Variants in TMEFF2 observed in about 807,000 individuals in gnomAD.
TMEFF2 encodes tomoregulin-2.
Under a neutral mutation model 53.8 loss-of-function variants are expected in TMEFF2, and 28 were observed. That is an observed-to-expected ratio of 0.52 (90% confidence interval 0.39 to 0.71). The LOEUF (loss-of-function observed/expected upper bound fraction) is 0.71. Ranked by LOEUF, TMEFF2 falls within the 30% of genes least tolerant of loss-of-function variation. TMEFF2 has a pLI of 0.00. For synonymous variants in TMEFF2, 162 were observed against 166.3 expected, an observed-to-expected ratio of 0.97 and a Z score of 0.20; for missense variants, 353 against 455.2, an observed-to-expected ratio of 0.78 and a Z score of 2.04.
chr2:192,070,032 A>G (rs369645309), intron 4 of TMEFF2, among the ~76,000 whole-genome samples: 59,830 of 125,156 alleles, frequency 0.48, 15,068 homozygotes, highest in East Asian at 0.57. Context: ...ATATATATAT[A>G]TATATATATA....
chr2:192,174,619 G>C (rs931344111), intron 4 of TMEFF2, among the ~76,000 whole-genome samples: 4 of 151,730 alleles, frequency 2.6e-5, no homozygotes, highest in African/African-American at 9.7e-5. Context: ...CAGCAGAACA[G>C]CAGCTCTCAG....
intron 4 of TMEFF2, among the ~76,000 whole-genome samples, chr2:192,107,745 G>A (rs530712223): frequency 2.8e-4 from 42 of 151,702 alleles, no homozygotes; most frequent in African/African-American, 8.0e-4. Flanking sequence ...TTTTCTCCAC[G>A]TATGGCAATG....
chr2:192,184,942 G>T (rs1479394044), intron 2 of TMEFF2, among the ~76,000 whole-genome samples: 1 of 151,878 alleles, frequency 6.6e-6, no homozygotes, highest in Non-Finnish European at 1.5e-5. Flanking sequence ...ACTCTTAGTT[G>T]TTTTTTTAAT....
chr2:192,108,489 T>C, intron 4 of TMEFF2, among the ~76,000 whole-genome samples: 1 of 151,934 alleles, frequency 6.6e-6, no homozygotes, highest in South Asian at 2.1e-4. Flanking sequence ...TTTAAATTCT[T>C]TAATGTCGTT....
chr2:191,984,254 A>T (rs1385278470), intron 7 of TMEFF2, among the ~76,000 whole-genome samples: 1 of 152,162 alleles, frequency 6.6e-6, no homozygotes, highest in Admixed American at 6.5e-5. Context: ...AAGAAAACTT[A>T]GAAAATCTGT....
intron 4 of TMEFF2, among the ~76,000 whole-genome samples, chr2:192,166,105 T>C (rs747272508): frequency 6.6e-6 from 1 of 152,138 alleles, no homozygotes; most frequent in Non-Finnish European, 1.5e-5. Flanking sequence ...TTGAGCCAGA[T>C]GAAACTTTTA....
In TMEFF2 at chr2:191,953,853, G is replaced by A. The variant is rs746999324; in HGVS notation, c.870-16C>T. 9.2e-6 allele frequency: 14 copies of A among 1,527,886 alleles called. No individual in the cohort carries two copies. In the South Asian group the frequency reaches 1.5e-4, roughly 16 times the overall value. 94.6% of individuals were successfully genotyped at this position (1,527,886 alleles called of 1,614,324 possible). A position where few individuals can be genotyped will look rare whatever the true frequency, so the allele number is the denominator to read the frequency against. On this transcript the variant is annotated splice_polypyrimidine_tract_variant and intron_variant, in intron 8 of 9. Transcript: ENST00000272771. ...AGCATCACACCTGGAAGAAATTATAGTGCCCAGTTACCTGTAGGGTGCTGC... is the reference window on the plus strand; with the variant it reads ...AGCATCACACCTGGAAGAAATTATAATGCCCAGTTACCTGTAGGGTGCTGC...
At chr2:192,130,868 GA>G (rs1441719239) in intron 4 of TMEFF2, among the ~76,000 whole-genome samples, 1 of 151,730 alleles carries the variant, frequency 6.6e-6, no homozygotes, top group Non-Finnish European at 1.5e-5. Context: ...GACAAGGAGA[GA>G]AGGGGTTGGG....
chr2:191,974,546 T>G (rs2105807778), intron 7 of TMEFF2, among the ~76,000 whole-genome samples: 1 of 152,294 alleles, frequency 6.6e-6, no homozygotes, highest in East Asian at 1.9e-4. Flanking sequence ...ACAAAAGTAC[T>G]GAAAGTTCAC....
At position 191,988,540 on chromosome 2, in the gene TMEFF2, C is replaced by T. The variant is rs148182091; in HGVS notation, c.745+9722G>A. Among the ~76,000 whole-genome samples the T allele has an allele frequency of 9.9e-5, 15 of 152,280 alleles. No homozygotes were observed. In the East Asian group the frequency reaches 2.9e-3, roughly 29 times the overall value. On this transcript the variant is annotated intron_variant, in intron 7 of 9. Coordinates refer to ENST00000272771, the MANE Select transcript of TMEFF2 (RefSeq NM_016192.4). The stretch of plus-strand genomic sequence containing the variant: ...GTGTACTGCCTGACAAAGCACTGAT[C>T]GCTTGTTCGTTTAAAGTCTATAGAC...
chr2:192,075,308 T>TATATATATATATATATATAAATATAA (rs1688395990), intron 4 of TMEFF2, among the ~76,000 whole-genome samples: 5 of 67,946 alleles, frequency 7.4e-5, no homozygotes, highest in Non-Finnish European at 1.6e-4. Flanking sequence ...TATATATATA[T>TATATATATATATATATATAAATATAA]ATATATATAT....
At chr2:192,060,430 G>T (rs1269265726) in intron 4 of TMEFF2, among the ~76,000 whole-genome samples, 1 of 152,174 alleles carries the variant, frequency 6.6e-6, no homozygotes, top group African/African-American at 2.4e-5. Flanking sequence ...CTTTTAGCGG[G>T]TGGTGAAATT....
chr2:192,187,795 G>T (rs1460861128), intron 2 of TMEFF2, among the ~76,000 whole-genome samples: 1 of 152,202 alleles, frequency 6.6e-6, no homozygotes, highest in Non-Finnish European at 1.5e-5. Context: ...CACACTAGTG[G>T]ATTCAATTAC....
chr2:192,075,336 T>TAC (rs1553518849), intron 4 of TMEFF2, among the ~76,000 whole-genome samples: 3 of 124,428 alleles, frequency 2.4e-5, no homozygotes, highest in African/African-American at 6.6e-5. Flanking sequence ...TATATATACA[T>TAC]ACATACTATG....
intron 4 of TMEFF2, among the ~76,000 whole-genome samples, chr2:192,105,385 G>A (rs1689122958): frequency 6.6e-6 from 1 of 151,694 alleles, no homozygotes. Context: ...AATATTATAG[G>A]TAAAATTAAT....
chr2:191,973,782 G>A (rs1316897515), intron 7 of TMEFF2, among the ~76,000 whole-genome samples: 1 of 152,122 alleles, frequency 6.6e-6, no homozygotes, highest in Non-Finnish European at 1.5e-5. Context: ...AATCATGGGG[G>A]CAGTTACCTC....
At chr2:192,022,636 T>C (rs1686882396) in intron 5 of TMEFF2, among the ~76,000 whole-genome samples, 1 of 152,198 alleles carries the variant, frequency 6.6e-6, no homozygotes, top group Non-Finnish European at 1.5e-5. Flanking sequence ...GTCTTTATAA[T>C]TAAAATCTTA....
At chr2:192,166,074 C>T (rs61025859) in intron 4 of TMEFF2, among the ~76,000 whole-genome samples, 24,543 of 152,056 alleles carry the variant, frequency 0.16, 2,504 homozygotes, top group East Asian at 0.32. Context: ...TAGTTCGTGA[C>T]GCAGTGGGAG....
chr2:192,080,994 T>C (rs1309789846), intron 4 of TMEFF2, among the ~76,000 whole-genome samples: 2 of 152,214 alleles, frequency 1.3e-5, no homozygotes, highest in Non-Finnish European at 2.9e-5. Context: ...TTAGCATTCA[T>C]TGCAATAATA....
Sources: allele counts gnomAD v4.1 joint callset (sites outside exome capture counted in the v4.1 genomes callset), GRCh38; gene constraint gnomAD v4.1.1; transcripts MANE v1.5; gene names NCBI Gene and HGNC (gene_info 2026-07-23, HGNC 2026-07-21).